Variants in GRM3 observed in about 807,000 individuals in gnomAD.
GRM3 encodes metabotropic glutamate receptor 3.
In GRM3, 26 loss-of-function variants were observed where a neutral mutation model predicts 70.5. The observed-to-expected ratio is 0.37, with a 90% CI of 0.27 to 0.51. The LOEUF (loss-of-function observed/expected upper bound fraction) is 0.51. Among genes scored for constraint, GRM3 ranks in the 20% least tolerant of loss-of-function variants. The probability of loss-of-function intolerance (pLI) is 0.93; values close to 1 mark genes in which losing one functional copy is unlikely to be tolerated. For synonymous variants in GRM3, 443 were observed against 434.9 expected (o/e 1.02, Z -0.23); for missense variants, 859 against 1,123.8 (o/e 0.76, Z 3.37).
intron 1 of GRM3, among the ~76,000 whole-genome samples, chr7:86,665,730 T>C (rs890222167): frequency 3.3e-5 from 5 of 152,060 alleles, no homozygotes; most frequent in East Asian, 1.9e-4. Flanking sequence ...AATGAGAATT[T>C]TATATAAATT....
intron 3 of GRM3, among the ~76,000 whole-genome samples, chr7:86,807,365 T>C (rs1391184005): frequency 8.4e-6 from 1 of 118,752 alleles, no homozygotes; most frequent in East Asian, 2.0e-4. Context: ...TATTGATTCT[T>C]CCTATCCATG....
In GRM3 at chr7:86,808,044, C is replaced by T. The variant is rs181124841; in HGVS notation, c.1324+20928C>T. On this transcript the variant is annotated intron_variant, in intron 3 of 5. Coordinates refer to ENST00000361669, the MANE Select transcript of GRM3 (RefSeq NM_000840.3). ...TTGGTTCTGTTTATATGATGGATTACATTTATTGATTTGTGTATGTTGAAC... is the reference window on the plus strand; with the variant it reads ...TTGGTTCTGTTTATATGATGGATTATATTTATTGATTTGTGTATGTTGAAC... Among the ~76,000 whole-genome samples the T allele has an allele frequency of 1.7e-3, 262 of 152,172 alleles. 3 individuals carry two copies. The highest frequency in any genetic ancestry group is 5.9e-3 in the African/African-American group (243 of 41,520).
intron 2 of GRM3, among the ~76,000 whole-genome samples, chr7:86,773,146 C>T (rs1201022773): frequency 6.6e-6 from 1 of 151,888 alleles, no homozygotes; most frequent in Non-Finnish European, 1.5e-5. Flanking sequence ...CCCTTGAACC[C>T]CTTCCTACCT....
At chr7:86,806,219 G>GCA (rs1797789441) in intron 3 of GRM3, among the ~76,000 whole-genome samples, 1 of 152,176 alleles carries the variant, frequency 6.6e-6, no homozygotes, top group African/African-American at 2.4e-5. Flanking sequence ...ACATGTGCAT[G>GCA]TGTCTATATT....
chr7:86,656,346 G>T (rs944700667), intron 1 of GRM3, among the ~76,000 whole-genome samples: 2 of 137,546 alleles, frequency 1.5e-5, no homozygotes, highest in Non-Finnish European at 3.0e-5. Flanking sequence ...GCTCAGTGCT[G>T]CAACCTCTGC....
chr7:86,657,495 A>G (rs1173657988), intron 1 of GRM3, among the ~76,000 whole-genome samples: 2 of 152,204 alleles, frequency 1.3e-5, no homozygotes, highest in African/African-American at 2.4e-5. Flanking sequence ...AGAATGTGGG[A>G]TTGAATTGTG....
At chr7:86,733,766 T>C (rs1791684181) in intron 1 of GRM3, among the ~76,000 whole-genome samples, 1 of 152,118 alleles carries the variant, frequency 6.6e-6, no homozygotes, top group South Asian at 2.1e-4. Context: ...ACCCTCTCTC[T>C]GGGCACAAGC....
At chr7:86,788,410 A>T (rs1350353541) in intron 3 of GRM3, among the ~76,000 whole-genome samples, 1 of 152,212 alleles carries the variant, frequency 6.6e-6, no homozygotes, top group East Asian at 1.9e-4. Context: ...TACTTTCCCC[A>T]GAGAGGGCCG....
chr7:86,817,359 A>C lies in GRM3; in HGVS notation c.1325-21480A>C, dbSNP rs186382166. Among the ~76,000 whole-genome samples the C allele has an allele frequency of 9.2e-4, 140 of 152,112 alleles. 1 individual carries two copies. Among genetic ancestry groups the C allele is most frequent in the Non-Finnish European group, 1.6e-3 (111 of 67,916 alleles). On this transcript the variant is annotated intron_variant, in intron 3 of 5. Coordinates refer to ENST00000361669, the MANE Select transcript of GRM3 (RefSeq NM_000840.3). The stretch of plus-strand genomic sequence containing the variant: ...TCAGTTTTAGATTTCCTGTAGGGAA[A>C]TACTCAGTTCTCCCTTTTCACTTCA...
chr7:86,692,312 G>C (rs781223113), intron 1 of GRM3, among the ~76,000 whole-genome samples: 5 of 152,102 alleles, frequency 3.3e-5, no homozygotes, highest in African/African-American at 7.2e-5. Flanking sequence ...AGACTATAGA[G>C]TCTGTCTACA....
chr7:86,716,155 T>C (rs1260007749), intron 1 of GRM3, among the ~76,000 whole-genome samples: 1 of 151,976 alleles, frequency 6.6e-6, no homozygotes, highest in Non-Finnish European at 1.5e-5. Context: ...CAATGTCATC[T>C]AGAAAACTCC....
chr7:86,668,908 G>A (rs1562819695), intron 1 of GRM3, among the ~76,000 whole-genome samples: 1 of 152,118 alleles, frequency 6.6e-6, no homozygotes, highest in Non-Finnish European at 1.5e-5. Context: ...ATTTACAAAT[G>A]TCCAGAGAAT....
chr7:86,705,988 GC>G (rs1795048616), intron 1 of GRM3, among the ~76,000 whole-genome samples: 1 of 152,108 alleles, frequency 6.6e-6, no homozygotes, highest in Non-Finnish European at 1.5e-5. Flanking sequence ...CAGACTTTTA[GC>G]CCATCTGCAG....
intron 3 of GRM3, among the ~76,000 whole-genome samples, chr7:86,805,185 A>T (rs1258362253): frequency 6.6e-6 from 1 of 152,206 alleles, no homozygotes; most frequent in Non-Finnish European, 1.5e-5. Flanking sequence ...TCCTAAAGGA[A>T]ATTGGATTAG....
At chr7:86,660,134 A>G (rs747552569) in intron 1 of GRM3, among the ~76,000 whole-genome samples, 3 of 152,060 alleles carry the variant, frequency 2.0e-5, no homozygotes, top group Non-Finnish European at 4.4e-5. Flanking sequence ...AGAGGTCCTG[A>G]GGAGATAATT....
chr7:86,693,419 A>G (rs1222940102), intron 1 of GRM3, among the ~76,000 whole-genome samples: 1 of 152,182 alleles, frequency 6.6e-6, no homozygotes, highest in Non-Finnish European at 1.5e-5. Flanking sequence ...CTCAAGTAGG[A>G]AGCTTTAACA....
chr7:86,784,776 A>C (rs981504096), intron 2 of GRM3: 3 of 152,186 alleles, frequency 2.0e-5, no homozygotes, highest in Non-Finnish European at 4.4e-5. Context: ...TTAATTTTGC[A>C]TTATATTGTG....
At chr7:86,807,747 C>A (rs1221980634) in intron 3 of GRM3, among the ~76,000 whole-genome samples, 1 of 151,964 alleles carries the variant, frequency 6.6e-6, no homozygotes, top group African/African-American at 2.4e-5. Context: ...TTCTTTCTCT[C>A]GCCTGATTGC....
chr7:86,717,170 T>C (rs1269377942), intron 1 of GRM3, among the ~76,000 whole-genome samples: 1 of 151,984 alleles, frequency 6.6e-6, no homozygotes, highest in East Asian at 1.9e-4. Flanking sequence ...CTCTTATCAC[T>C]GGACTGTGCT....
Sources: allele counts gnomAD v4.1 joint callset (sites outside exome capture counted in the v4.1 genomes callset), GRCh38; gene constraint gnomAD v4.1.1; transcripts MANE v1.5; gene names NCBI Gene and HGNC (gene_info 2026-07-23, HGNC 2026-07-21).